MORN5: variants seen among roughly 807,000 people sequenced by gnomAD.
MORN5 encodes MORN repeat-containing protein 5.
MORN5 carries 21 observed loss-of-function variants against 22.1 expected under a neutral mutation model. The ratio of observed to expected loss-of-function variants is 0.95; its 90% CI spans 0.67 to 1.37. The LOEUF (loss-of-function observed/expected upper bound fraction) is 1.37, where lower values mean the gene tolerates loss of function less well. Ranked by LOEUF, MORN5 falls within the 40% of genes most tolerant of loss-of-function variation. The pLI is 0.00. For synonymous variants in MORN5, 73 were observed against 74.0 expected, an observed-to-expected ratio of 0.99 and a Z score of 0.07; for missense variants, 211 against 215.1, an observed-to-expected ratio of 0.98 and a Z score of 0.12.
intron 4 of MORN5, among the ~76,000 whole-genome samples, chr9:122,193,963 A>G (rs988847689): frequency 2.6e-5 from 4 of 152,206 alleles, no homozygotes; most frequent in African/African-American, 7.2e-5. Context: ...TTCTCAGGGA[A>G]GTTTTTCACT....
intron 4 of MORN5, among the ~76,000 whole-genome samples, chr9:122,182,244 G>A (rs961248696): frequency 1.2e-4 from 18 of 152,290 alleles, no homozygotes; most frequent in African/African-American, 4.3e-4. Context: ...CTCACCTCAT[G>A]TATTGCCCCA....
At chr9:122,184,859 C>T (rs545587292) in intron 4 of MORN5, among the ~76,000 whole-genome samples, 1 of 152,228 alleles carries the variant, frequency 6.6e-6, no homozygotes, top group African/African-American at 2.4e-5. Context: ...AAGCTAAAGA[C>T]AATGTTAGAG....
Position 122,199,439 on chromosome 9 carries a change from A to G in MORN5, c.440-446A>G, listed in dbSNP as rs542442161. ...AAGAGGGTGTTAGTCCCCTGGAGAA[A>G]CCATGGGTTCTTGAAAGGGTCAAGA... On this transcript the variant is annotated intron_variant, in intron 4 of 4. Transcript: ENST00000373764. Among the ~76,000 whole-genome samples the G allele has an allele frequency of 2.0e-5, 3 of 152,280 alleles. No homozygotes were observed. In the South Asian group the frequency reaches 6.2e-4, roughly 32 times the overall value.
intron 3 of MORN5, among the ~76,000 whole-genome samples, chr9:122,173,571 T>G (rs1829397788): frequency 6.6e-6 from 1 of 152,210 alleles, no homozygotes; most frequent in South Asian, 2.1e-4. Flanking sequence ...GCTCTCAGTC[T>G]AGAGAACAAG....
intron 1 of MORN5, among the ~76,000 whole-genome samples, chr9:122,166,294 A>ATATATATATATATATATATATATATAT (rs200859903): frequency 2.0e-5 from 3 of 151,820 alleles, no homozygotes; most frequent in African/African-American, 7.3e-5. Context: ...ATATATATAT[A>ATATATATATATATATATATATATATAT]ATGGTGGTAA....
chr9:122,181,616 G>T (rs190980697), intron 4 of MORN5, among the ~76,000 whole-genome samples: 3 of 152,316 alleles, frequency 2.0e-5, no homozygotes, highest in Admixed American at 6.5e-5. Flanking sequence ...AGAGGCTGGG[G>T]AGCTGAGAGA....
intron 4 of MORN5, among the ~76,000 whole-genome samples, chr9:122,184,499 T>C (rs549924312): frequency 2.0e-5 from 3 of 152,288 alleles, no homozygotes; most frequent in South Asian, 4.1e-4. Flanking sequence ...AAATAACATA[T>C]AGTTTATTCT....
At chr9:122,186,991 C>T (rs1429989889) in intron 4 of MORN5, among the ~76,000 whole-genome samples, 1 of 152,206 alleles carries the variant, frequency 6.6e-6, no homozygotes, top group Non-Finnish European at 1.5e-5. Context: ...AGCTGTGTGA[C>T]CTTGAGCTAG....
At chr9:122,170,948 C>T (rs2118750172) in intron 3 of MORN5, among the ~76,000 whole-genome samples, 1 of 152,078 alleles carries the variant, frequency 6.6e-6, no homozygotes, top group South Asian at 2.1e-4. Context: ...GCACATTCTG[C>T]ACATGTACCC....
intron 4 of MORN5, chr9:122,174,852 G>A (rs1399377442): frequency 5.2e-6 from 7 of 1,356,918 alleles, no homozygotes; most frequent in Non-Finnish European, 4.8e-6. Context: ...AGCAGTGACG[G>A]CACATAAATG....
intron 4 of MORN5, among the ~76,000 whole-genome samples, chr9:122,181,848 T>C (rs913039044): frequency 2.6e-5 from 4 of 152,230 alleles, no homozygotes; most frequent in Admixed American, 6.5e-5. Context: ...TCAAAATACA[T>C]AGGACAGCAC....
chr9:122,170,724 T>A (rs1259155958), intron 3 of MORN5, among the ~76,000 whole-genome samples: 1 of 152,170 alleles, frequency 6.6e-6, no homozygotes, highest in African/African-American at 2.4e-5. Flanking sequence ...GCTACCTCCC[T>A]GCAAAAACCG....
At chr9:122,185,998 G>A (rs944416873) in intron 4 of MORN5, among the ~76,000 whole-genome samples, 3 of 152,200 alleles carry the variant, frequency 2.0e-5, no homozygotes, top group African/African-American at 7.2e-5. Flanking sequence ...AGGCTGGCAC[G>A]CGGGGACATC....
chr9:122,163,138 C>G (rs1829227503), intron 1 of MORN5, among the ~76,000 whole-genome samples: 1 of 152,108 alleles, frequency 6.6e-6, no homozygotes, highest in South Asian at 2.1e-4. Context: ...TAACTCCACT[C>G]CAAAGCACCA....
intron 1 of MORN5, among the ~76,000 whole-genome samples, chr9:122,165,927 C>T (rs1829269228): frequency 6.6e-6 from 1 of 152,130 alleles, no homozygotes; most frequent in South Asian, 2.1e-4. Flanking sequence ...TGTTCTCATG[C>T]TGCTGTAAGG....
At chr9:122,182,137 A>G (rs1483120664) in intron 4 of MORN5, among the ~76,000 whole-genome samples, 1 of 152,204 alleles carries the variant, frequency 6.6e-6, no homozygotes, top group African/African-American at 2.4e-5. Context: ...TTGAAGGTCT[A>G]CCTTCCATCC....
At chr9:122,161,324 A>G (rs537357507) in intron 1 of MORN5, among the ~76,000 whole-genome samples, 10 of 152,170 alleles carry the variant, frequency 6.6e-5, no homozygotes, top group African/African-American at 1.4e-4. Context: ...ATGGGATGCT[A>G]TCTCTCTAAT....
rs533379975 is a variant in MORN5 at position 122,160,876 on chromosome 9, G to A, written c.47+857G>A. On this transcript the variant is annotated intron_variant, in intron 1 of 4. Transcript: ENST00000373764. ...AAGTGATCCTCTTGCATGAGCCACC[G>A]TGCCCAGCAATTCAACAATGTTGAG... Among the ~76,000 whole-genome samples, 7 of 152,216 alleles carry A rather than the reference G, an allele frequency of 4.6e-5. No individual in the cohort carries two copies. The South Asian group carries it at 8.3e-4, about 18-fold the overall frequency.
chr9:122,184,650 C>T (rs555832772), intron 4 of MORN5, among the ~76,000 whole-genome samples: 5 of 152,324 alleles, frequency 3.3e-5, no homozygotes, highest in Admixed American at 2.6e-4. Flanking sequence ...TACTGTGTTC[C>T]AGGCACTGGT....
Sources: gnomAD v4.1 joint callset for allele counts (sites outside exome capture counted in the v4.1 genomes callset) on GRCh38, gnomAD v4.1.1 for gene constraint, MANE v1.5 for transcripts, NCBI Gene and HGNC (gene_info 2026-07-23, HGNC 2026-07-21) for gene names.